The following HEATR3 variants were observed in gnomAD, a reference collection of about 807,000 sequenced individuals.
HEATR3 encodes HEAT repeat-containing protein 3.
In HEATR3, 56 loss-of-function variants were observed where a neutral mutation model predicts 72.8. The observed-to-expected ratio is 0.77, with a 90% confidence interval of 0.62 to 0.96. The LOEUF (loss-of-function observed/expected upper bound fraction) is 0.96, where lower values mean the gene tolerates loss of function less well. Among genes scored for constraint, HEATR3 ranks in the 40% least tolerant of loss-of-function variants. HEATR3 has a pLI of 0.00. For missense variants in HEATR3, 747 were observed against 831.4 expected (o/e 0.90, Z 1.25); for synonymous variants, 331 against 318.1 (o/e 1.04, Z -0.43).
intron 7 of HEATR3, among the ~76,000 whole-genome samples, chr16:50,080,427 T>C (rs2036841994): frequency 6.6e-6 from 1 of 150,622 alleles, no homozygotes; most frequent in African/African-American, 2.4e-5. Context: ...TGCAACCTCC[T>C]CCTCCCAGGT....
At chr16:50,072,945 G>A (rs1597140528) in intron 5 of HEATR3, 1 of 442,346 alleles carries the variant, frequency 2.3e-6, no homozygotes, top group East Asian at 4.4e-5. Context: ...GTAATTATGT[G>A]AGGATATGTG....
intron 12 of HEATR3, among the ~76,000 whole-genome samples, chr16:50,096,504 A>G (rs2150623884): frequency 6.6e-6 from 1 of 151,730 alleles, no homozygotes; most frequent in South Asian, 2.1e-4. Flanking sequence ...ATCCATTTAA[A>G]GTATACAGTT....
intron 2 of HEATR3, among the ~76,000 whole-genome samples, chr16:50,067,459 G>T (rs1420681369): frequency 6.6e-6 from 1 of 152,152 alleles, no homozygotes; most frequent in Non-Finnish European, 1.5e-5. Context: ...CCCCACAAAG[G>T]GAGCAGCAAC....
chr16:50,086,956 C>A (rs2356835), intron 11 of HEATR3, among the ~76,000 whole-genome samples: 102,940 of 151,464 alleles, frequency 0.68, 35,239 homozygotes, highest in South Asian at 0.72. Context: ...TAATTGAGTA[C>A]TATTCTATTA....
In HEATR3 at chr16:50,104,940, T is replaced by C. The variant is rs1597186990; in HGVS notation, c.1922T>C (p.Ile641Thr). The change falls in exon 15 of 15, where the codon ATA (isoleucine) becomes ACA (threonine). Residue 641 changes from isoleucine (I) to threonine (T), a missense_variant and splice_region_variant. By Grantham distance (89) the Ile-to-Thr change is moderately conservative. Around this residue, in one of 2 missense-constraint regions of HEATR3, gnomAD observed 586 missense variants for 708.8 expected, o/e 0.83. Transcript: ENST00000299192. The part of the protein sequence containing the change: ...KEFQPVFKMK[I>T]RKEGRGNYST... ...TGATTTTTTGTTTTTTGTTTGCAGATACGTAAAGAAGGGAGAGGTAACTAT... is the reference window on the plus strand; with the variant it reads ...TGATTTTTTGTTTTTTGTTTGCAGACACGTAAAGAAGGGAGAGGTAACTAT... 25 of 1,577,562 alleles carry C rather than the reference T, an allele frequency of 1.6e-5. No individual in the cohort carries two copies. The highest frequency in any genetic ancestry group is 2.1e-5 in the Non-Finnish European group (24 of 1,168,962).
At chr16:50,098,074 T>C (rs1164088085) in intron 12 of HEATR3, among the ~76,000 whole-genome samples, 3 of 152,164 alleles carry the variant, frequency 2.0e-5, no homozygotes, top group Non-Finnish European at 4.4e-5. Flanking sequence ...AATAGGCATT[T>C]TTTTAGGAGA....
chr16:50,072,597 C>T lies in HEATR3; in HGVS notation c.513-8C>T. ...ATAGTAAAACTTTTTTTTCCCCCTT[C>T]AATTTAGTGAATGCAGTAGTAGAGC... On this transcript the variant is annotated splice_polypyrimidine_tract_variant and splice_region_variant and intron_variant, in intron 4 of 14. Transcript: ENST00000299192. 6.4e-7 allele frequency: 1 copy of T among 1,563,108 alleles called. No homozygotes were observed. Among genetic ancestry groups the T allele is most frequent in the South Asian group, 1.1e-5 (1 of 88,686 alleles).
At position 50,083,938 on chromosome 16, in the gene HEATR3, C is replaced by A; in HGVS notation, c.1043C>A (p.Pro348His). Residue 348 changes from proline to histidine, a missense_variant and splice_region_variant, in exon 8 of 15, where the codon CCC becomes CAC. Pro to His is a moderately conservative substitution (Grantham distance 77). Coordinates refer to ENST00000299192, the MANE Select transcript of HEATR3 (RefSeq NM_182922.4). ...TTTACTTTTTTTTTTTTTTTTAAGCCCACTGACAAGGAACTGAGAGAGACT... is the reference window on the plus strand; with the variant it reads ...TTTACTTTTTTTTTTTTTTTTAAGCACACTGACAAGGAACTGAGAGAGACT... ...RKTFVSDLLP[P>H]TDKELRETIA... 2 of 1,589,830 alleles carry A rather than the reference C, an allele frequency of 1.3e-6. No individual in the cohort carries two copies. Among genetic ancestry groups the A allele is most frequent in the Non-Finnish European group, 1.7e-6 (2 of 1,171,776 alleles).
At chr16:50,089,829 C>A (rs1475467137) in intron 11 of HEATR3, among the ~76,000 whole-genome samples, 1 of 152,002 alleles carries the variant, frequency 6.6e-6, no homozygotes, top group East Asian at 1.9e-4. Flanking sequence ...CCAATGCGCC[C>A]AGCTAATTTT....
rs775455169 is a variant in HEATR3 at position 50,084,248 on chromosome 16, A to G, written c.1247A>G (p.His416Arg). The G allele has an allele frequency of 1.2e-6, 2 of 1,614,024 alleles. No individual in the cohort carries two copies. Among genetic ancestry groups the G allele is most frequent in the African/African-American group, 1.3e-5 (1 of 74,918 alleles). ...CTGTTTTCTCCCCTCTGCCTCTCCC[A>G]TGAAGTTCACACGGCTCTCACCAAC... Reference protein sequence around the residue: ...GQLFSPLCLSHEVHTALTNYL... With the variant: ...GQLFSPLCLSREVHTALTNYL... Residue 416 changes from histidine (H) to arginine (R), a missense_variant, in exon 9 of 15, where the codon CAT becomes CGT. This residue lies in a region of HEATR3 where 586 missense variants were observed against 708.8 expected (regional missense o/e 0.83). Coordinates refer to ENST00000299192, the MANE Select transcript of HEATR3 (RefSeq NM_182922.4).
In HEATR3 at chr16:50,079,019, G is replaced by A; in HGVS notation, c.1041+1G>A. The A allele has an allele frequency of 1.1e-5, 17 of 1,609,650 alleles. No individual in the cohort carries two copies. The highest frequency in any genetic ancestry group is 1.4e-5 in the Non-Finnish European group (17 of 1,178,170). On this transcript the variant is annotated splice_donor_variant, in intron 7 of 14. Transcript: ENST00000299192. LOFTEE classifies it high-confidence loss of function. ...AACTTTCGTTTCAGATTTACTTCCGGTAAGTCAGGTTGCTGTTCTCAAATA... is the reference window on the plus strand; with the variant it reads ...AACTTTCGTTTCAGATTTACTTCCGATAAGTCAGGTTGCTGTTCTCAAATA...
chr16:50,080,547 T>G (rs72796148), intron 7 of HEATR3, among the ~76,000 whole-genome samples: 21 of 151,936 alleles, frequency 1.4e-4, no homozygotes, highest in African/African-American at 4.8e-4. Context: ...TCCATGTTGG[T>G]CAGGCTGGTC....
chr16:50,104,447 C>T (rs941785471), intron 14 of HEATR3, among the ~76,000 whole-genome samples: 2 of 152,042 alleles, frequency 1.3e-5, no homozygotes, highest in African/African-American at 4.8e-5. Flanking sequence ...CCAGGCTAGT[C>T]TTGAACTCCT....
intron 3 of HEATR3, among the ~76,000 whole-genome samples, chr16:50,069,733 T>C (rs1330594920): frequency 6.6e-6 from 1 of 152,192 alleles, no homozygotes; most frequent in Non-Finnish European, 1.5e-5. Context: ...GCACCAGCTT[T>C]GGAGTCAAAT....
chr16:50,066,230 C>T lies in HEATR3; in HGVS notation c.99C>T (p.Gly33=). The part of the protein sequence containing the change: ...EAAAAANGTG[G]EEDDGPAAEL... The stretch of plus-strand genomic sequence containing the variant: ...CTGCGGCGGCGAATGGGACCGGAGG[C>T]GAGGAGGACGACGGGCCGGCGGCGG... Residue 33 remains glycine (G), a synonymous_variant, in exon 1 of 15, where the codon GGC becomes GGT. Coordinates refer to ENST00000299192, the MANE Select transcript of HEATR3 (RefSeq NM_182922.4). 2 of 1,570,182 alleles carry T rather than the reference C, an allele frequency of 1.3e-6. No homozygotes were observed. Among genetic ancestry groups the T allele is most frequent in the East Asian group, 4.7e-5 (2 of 42,478 alleles).
intron 12 of HEATR3, 162 bp downstream of exon 12, chr16:50,094,955 T>C (rs1270201222): frequency 4.4e-6 from 2 of 459,300 alleles, no homozygotes; most frequent in African/African-American, 4.1e-5. Context: ...AAAAGTAATA[T>C]CTTTCTGCTC....
Position 50,100,280 on chromosome 16 carries a change from T to C in HEATR3, c.1650T>C (p.Ser550=). 2 of 1,614,002 alleles carry C rather than the reference T, an allele frequency of 1.2e-6. No individual in the cohort carries two copies. The highest frequency in any genetic ancestry group is 2.2e-5 in the South Asian group (2 of 91,078). The stretch of plus-strand genomic sequence containing the variant: ...CATTATGCAAAGCAGGCATTCATAG[T>C]AGTAATGTCGGGGTTAGAGTGAATG... ...LMTLCKAGIH[S]SNVGVRVNVV... is the part of the protein sequence containing the mutation. Residue 550 remains serine (S), a synonymous_variant, in exon 13 of 15, where the codon AGT becomes AGC. Transcript: ENST00000299192.
At chr16:50,066,294 G>T in intron 1 of HEATR3, 25 bp downstream of exon 1, 1 of 1,577,346 alleles carries the variant, frequency 6.3e-7, no homozygotes, top group African/African-American at 1.4e-5. Context: ...CCGTCGGGCC[G>T]GGAGGCGAGA....
At chr16:50,077,517 A>G (rs2036763198) in intron 6 of HEATR3, among the ~76,000 whole-genome samples, 2 of 152,178 alleles carry the variant, frequency 1.3e-5, no homozygotes, top group Admixed American at 6.5e-5. Flanking sequence ...TGTGCAGTAA[A>G]AATCCGGAAC....
Sources: allele counts gnomAD v4.1 joint callset (sites outside exome capture counted in the v4.1 genomes callset), GRCh38; gene constraint gnomAD v4.1.1; regional missense constraint gnomAD v4.1.1; transcripts MANE v1.5; gene names NCBI Gene and HGNC (gene_info 2026-07-23, HGNC 2026-07-21).